The following RGS7 variants were observed in gnomAD, a reference collection of about 807,000 sequenced individuals.
RGS7 encodes regulator of G protein signaling 7.
RGS7 carries 27 observed loss-of-function variants against 81.1 expected under a neutral mutation model. The observed-to-expected ratio is 0.33, with a 90% CI of 0.25 to 0.46. The LOEUF (loss-of-function observed/expected upper bound fraction) is 0.46. Ranked by LOEUF, RGS7 falls within the 20% of genes least tolerant of loss-of-function variation. The pLI is 1.00. For synonymous variants in RGS7, 208 were observed against 207.7 expected (o/e 1.00, Z -0.01); for missense variants, 396 against 607.4 (o/e 0.65, Z 3.66).
At chr1:241,250,000 T>C (rs2076751545) in intron 2 of RGS7, among the ~76,000 whole-genome samples, 1 of 152,126 alleles carries the variant, frequency 6.6e-6, no homozygotes. Flanking sequence ...GTAAAACCAA[T>C]CACATGTTGT....
chr1:241,094,269 ACACACACAGAGT>A (rs1309979736), intron 3 of RGS7, among the ~76,000 whole-genome samples: 1 of 151,954 alleles, frequency 6.6e-6, no homozygotes, highest in African/African-American at 2.4e-5. Context: ...ACACACACAC[ACACACACAGAGT>A]CACACACACA....
chr1:241,119,387 T>C lies in RGS7; in HGVS notation c.79-20625A>G, dbSNP rs146896698. 2.1e-3 allele frequency among the ~76,000 whole-genome samples: 314 copies of C among 152,330 alleles called. 2 individuals carry two copies. The highest frequency in any genetic ancestry group is 7.3e-3 in the African/African-American group (302 of 41,566). On this transcript the variant is annotated intron_variant, in intron 2 of 18. Transcript: ENST00000440928. ...GCTTTGAATAGGAAGGGATTTTTAG[T>C]AGCCTTATCAAACAATGAATGATAC...
chr1:241,023,895 G>A (rs987683433), intron 3 of RGS7, among the ~76,000 whole-genome samples: 5 of 152,206 alleles, frequency 3.3e-5, no homozygotes, highest in East Asian at 1.9e-4. Context: ...ACAGGCATGC[G>A]CCACCATGCC....
chr1:240,950,870 G>C (rs1440404815), intron 4 of RGS7, among the ~76,000 whole-genome samples: 2 of 151,958 alleles, frequency 1.3e-5, no homozygotes, highest in Admixed American at 6.6e-5. Flanking sequence ...GCACACTAAA[G>C]GCCTGAGTTC....
chr1:241,086,515 G>A (rs1002461538), intron 3 of RGS7, among the ~76,000 whole-genome samples: 1 of 151,770 alleles, frequency 6.6e-6, no homozygotes, highest in African/African-American at 2.4e-5. Context: ...TCACTGGCCT[G>A]CCTTGGGTCA....
chr1:240,816,484 T>A, intron 10 of RGS7, 69 bp from the exon 11 acceptor site: 2 of 1,049,106 alleles, frequency 1.9e-6, no homozygotes, highest in Non-Finnish European at 3.0e-6. Flanking sequence ...TTCTAAAAAG[T>A]AACTCTAGCA....
intron 2 of RGS7, among the ~76,000 whole-genome samples, chr1:241,208,962 C>T (rs1304054344): frequency 6.6e-6 from 1 of 152,220 alleles, no homozygotes; most frequent in Admixed American, 6.5e-5. Flanking sequence ...AGCGCTCAGG[C>T]AGAACAGGTG....
At chr1:241,220,776 T>C (rs2074845134) in intron 2 of RGS7, among the ~76,000 whole-genome samples, 1 of 152,020 alleles carries the variant, frequency 6.6e-6, no homozygotes, top group South Asian at 2.1e-4. Flanking sequence ...GGCTCATGCC[T>C]ATAATCCCAG....
At chr1:240,942,855 T>C (rs931868293) in intron 4 of RGS7, among the ~76,000 whole-genome samples, 5 of 152,204 alleles carry the variant, frequency 3.3e-5, no homozygotes, top group African/African-American at 1.2e-4. Context: ...GGTAAGATTA[T>C]TCATGTAGAA....
At chr1:240,915,207 A>G (rs751580629) in intron 6 of RGS7, among the ~76,000 whole-genome samples, 29 of 152,170 alleles carry the variant, frequency 1.9e-4, no homozygotes, top group Non-Finnish European at 3.1e-4. Flanking sequence ...AGAGCCCAAC[A>G]GACTGAGATT....
At chr1:240,920,424 A>G in intron 6 of RGS7, 1 of 1,306,354 alleles carries the variant, frequency 7.7e-7, no homozygotes, top group African/African-American at 1.4e-5. Flanking sequence ...AGGTGGTGGA[A>G]GCTACAATGA....
chr1:241,309,058 T>G (rs1223528267), intron 2 of RGS7, among the ~76,000 whole-genome samples: 1 of 152,090 alleles, frequency 6.6e-6, no homozygotes, highest in Non-Finnish European at 1.5e-5. Flanking sequence ...AACCTCTCCT[T>G]TAATTTTCAA....
At chr1:241,037,678 G>A (rs889348063) in intron 3 of RGS7, among the ~76,000 whole-genome samples, 10 of 149,306 alleles carry the variant, frequency 6.7e-5, no homozygotes, top group Non-Finnish European at 1.5e-5. Flanking sequence ...CCGAGATCAC[G>A]CCATTGCACT....
chr1:241,247,123 A>G (rs1374522782), intron 2 of RGS7, among the ~76,000 whole-genome samples: 1 of 152,114 alleles, frequency 6.6e-6, no homozygotes, highest in Non-Finnish European at 1.5e-5. Flanking sequence ...CACCTGGCAC[A>G]TTTGTCTGTC....
chr1:240,909,845 G>A lies in RGS7; in HGVS notation c.385+20872C>T, dbSNP rs72756850. Among the ~76,000 whole-genome samples, 1,323 of 152,256 alleles carry A rather than the reference G, an allele frequency of 8.7e-3. 25 individuals carry two copies. The highest frequency in any genetic ancestry group is 0.036 in the Admixed American group (548 of 15,292). On this transcript the variant is annotated intron_variant, in intron 6 of 18. Transcript: ENST00000440928. ...GCAAATGTTCTAGTACTTGAAGTCG[G>A]GATGCACAGCTTCAACCACTGACTT...
At chr1:241,160,207 GGAAAAGAAA>G (rs1004614774) in intron 2 of RGS7, among the ~76,000 whole-genome samples, 39 of 151,764 alleles carry the variant, frequency 2.6e-4, no homozygotes, top group Non-Finnish European at 4.0e-4. Context: ...AAGGAACTTT[GGAAAAGAAA>G]TATTCCATTA....
At chr1:241,328,908 T>C (rs1328986274) in intron 2 of RGS7, among the ~76,000 whole-genome samples, 1 of 152,216 alleles carries the variant, frequency 6.6e-6, no homozygotes, top group Admixed American at 6.5e-5. Flanking sequence ...TAGCATGATT[T>C]TTTTTTTCTT....
At chr1:241,153,028 A>G (rs1431432696) in intron 2 of RGS7, among the ~76,000 whole-genome samples, 1 of 152,198 alleles carries the variant, frequency 6.6e-6, no homozygotes, top group African/African-American at 2.4e-5. Flanking sequence ...TATTTTAAAG[A>G]TCGATGAGTT....
At chr1:241,129,466 G>A (rs1311039084) in intron 2 of RGS7, among the ~76,000 whole-genome samples, 1 of 152,116 alleles carries the variant, frequency 6.6e-6, no homozygotes, top group African/African-American at 2.4e-5. Flanking sequence ...ACATGCCTGT[G>A]CCCAAAGGCA....
Sources: allele counts gnomAD v4.1 joint callset (sites outside exome capture counted in the v4.1 genomes callset), GRCh38; gene constraint gnomAD v4.1.1; transcripts MANE v1.5; gene names NCBI Gene and HGNC (gene_info 2026-07-23, HGNC 2026-07-21).